The following OTOP3 variants were observed in gnomAD, a reference collection of about 807,000 sequenced individuals.
OTOP3 encodes proton channel OTOP3.
In OTOP3, 41 loss-of-function variants were observed where a neutral mutation model predicts 50.8. The observed-to-expected ratio is 0.81, with a 90% CI of 0.63 to 1.05. The LOEUF (loss-of-function observed/expected upper bound fraction) is 1.05, where lower values mean the gene tolerates loss of function less well. Ranked by LOEUF, OTOP3 falls within the 50% of genes least tolerant of loss-of-function variation. The pLI is 0.00. For missense variants in OTOP3, 788 were observed against 760.8 expected (o/e 1.04, Z -0.42); for synonymous variants, 320 against 324.4 (o/e 0.99, Z 0.14).
chr17:74,938,548 C>T (rs543787550), intron 1 of OTOP3, among the ~76,000 whole-genome samples: 28 of 152,078 alleles, frequency 1.8e-4, no homozygotes, highest in African/African-American at 6.5e-4. Context: ...AGACTGGGGG[C>T]GTTCCAGGAA....
intron 5 of OTOP3, among the ~76,000 whole-genome samples, chr17:74,943,962 C>T (rs2039202588): frequency 6.6e-6 from 1 of 152,136 alleles, no homozygotes. Flanking sequence ...GTCCAGCTAG[C>T]CATCAGCAAG....
chr17:74,943,739 C>T lies in OTOP3; in HGVS notation c.751+15C>T. On this transcript the variant is annotated intron_variant, in intron 5 of 6. Coordinates refer to ENST00000328801, the MANE Select transcript of OTOP3 (RefSeq NM_001272005.2). ...AAAATCCACAGGTATGGAAAGGAGA[C>T]CAGGTCTTCCTTGCCCTGAAACACA... 1 of 1,528,120 alleles carries T rather than the reference C, an allele frequency of 6.5e-7. No homozygotes were observed. The highest frequency in any genetic ancestry group is 9.0e-7 in the Non-Finnish European group (1 of 1,112,422). 94.7% of individuals were successfully genotyped at this position (1,528,120 alleles called of 1,614,324 possible).
At chr17:74,936,403 G>A (rs1362670491) in intron 1 of OTOP3, among the ~76,000 whole-genome samples, 3 of 152,182 alleles carry the variant, frequency 2.0e-5, no homozygotes, top group East Asian at 3.9e-4. Context: ...CGGGCCCGAC[G>A]GCTCCGCGGC....
At chr17:74,943,415 C>T (rs184154451) in intron 4 of OTOP3, 71 bp downstream of exon 4, 4 of 1,541,114 alleles carry the variant, frequency 2.6e-6, no homozygotes, top group Admixed American at 3.3e-5. Flanking sequence ...TCAGGGTGGC[C>T]GCGGGGCTAT....
chr17:74,944,143 C>T (rs2039204061), intron 5 of OTOP3, among the ~76,000 whole-genome samples: 1 of 152,204 alleles, frequency 6.6e-6, no homozygotes, highest in African/African-American at 2.4e-5. Context: ...CGGAAGATAT[C>T]TGGACAGAAA....
intron 6 of OTOP3, among the ~76,000 whole-genome samples, chr17:74,948,289 C>T (rs571770639): frequency 2.4e-4 from 37 of 151,988 alleles, no homozygotes; most frequent in African/African-American, 8.2e-4. Context: ...TTTGGGAGGC[C>T]GAGGGAGGAG....
At chr17:74,935,863 C>CG (rs1384761378), upstream of OTOP3, 40 of 1,534,558 alleles carry the variant, frequency 2.6e-5, no homozygotes, top group East Asian at 1.2e-4. Flanking sequence ...TCGCGGGCAT[C>CG]GGTCTCACCT....
At chr17:74,949,038 C>CT (rs1216218987) in intron 6 of OTOP3, among the ~76,000 whole-genome samples, 1 of 152,126 alleles carries the variant, frequency 6.6e-6, no homozygotes, top group Non-Finnish European at 1.5e-5. Flanking sequence ...ACAGAGATGG[C>CT]TGGGGATAGC....
rs1243984434 is a variant in OTOP3 at position 74,941,772 on chromosome 17, C to T, written c.399C>T (p.Leu133=). 6.2e-7 allele frequency: 1 copy of T among 1,613,278 alleles called. No individual in the cohort carries two copies. Among genetic ancestry groups the T allele is most frequent in the South Asian group, 1.1e-5 (1 of 91,050 alleles). ...CCACCCGCCGACCACACGCCGTGCT[C>T]TACCAAGATCCCCACGCGGGGCCCC... is the stretch of plus-strand genomic sequence containing the variant. ...ASTTRRPHAV[L]YQDPHAGPLW... The change falls in exon 2 of 7, where the codon CTC becomes CTT. Residue 133 remains leucine (L), a synonymous_variant. Coordinates refer to ENST00000328801, the MANE Select transcript of OTOP3 (RefSeq NM_001272005.2).
At chr17:74,946,395 G>A (rs2039224291) in intron 5 of OTOP3, among the ~76,000 whole-genome samples, 1 of 152,242 alleles carries the variant, frequency 6.6e-6, no homozygotes, top group South Asian at 2.1e-4. Context: ...TTACAGGCAT[G>A]AGCCACTGCG....
intron 6 of OTOP3, 28 bp downstream of exon 6, chr17:74,947,503 G>A (rs765673993): frequency 3.2e-6 from 5 of 1,542,734 alleles, no homozygotes; most frequent in Non-Finnish European, 4.4e-6. Context: ...GGGGCCTGGA[G>A]GGTAGAGGTG....
At chr17:74,939,013 A>T (rs1211366710) in intron 1 of OTOP3, among the ~76,000 whole-genome samples, 1 of 152,082 alleles carries the variant, frequency 6.6e-6, no homozygotes, top group African/African-American at 2.4e-5. Flanking sequence ...GCAAAAAAAA[A>T]AAAAATTAAA....
At position 74,943,708 on chromosome 17, in the gene OTOP3, C is replaced by CATGGAAAAATCCACAGGT; in HGVS notation, c.743_751+9dup. On this transcript the variant is annotated inframe_insertion, in exon 5 of 7. Coordinates refer to ENST00000328801, the MANE Select transcript of OTOP3 (RefSeq NM_001272005.2). The stretch of plus-strand genomic sequence containing the variant: ...AGATCGAAGCTGAGCTTGGCATCCT[C>CATGGAAAAATCCACAGGT]ATGGAAAAATCCACAGGTATGGAAA... 6 of 1,608,888 alleles carry CATGGAAAAATCCACAGGT rather than the reference C, an allele frequency of 3.7e-6. No individual in the cohort carries two copies. In the South Asian group the frequency reaches 6.6e-5, roughly 18 times the overall value.
rs539744870 is a variant in OTOP3, at chr17:74,948,111, G to T, written c.1566+636G>T. Among the ~76,000 whole-genome samples, 85 of 152,296 alleles carry T rather than the reference G, an allele frequency of 5.6e-4. 1 individual carries two copies. The South Asian group carries it at 0.017, about 30-fold the overall frequency. On this transcript the variant is annotated intron_variant, in intron 6 of 6. Transcript: ENST00000328801. ...ATAAATTGGCTCTAAAGTGCATTAG[G>T]AGCTCAGCAAAGGAACTGTGGGCCT...
At chr17:74,945,385 C>A (rs963041633) in intron 5 of OTOP3, among the ~76,000 whole-genome samples, 3 of 152,142 alleles carry the variant, frequency 2.0e-5, no homozygotes, top group Admixed American at 6.6e-5. Flanking sequence ...CCAGTTAGCC[C>A]CAGAAATGTC....
rs754849486 is a variant in OTOP3 at position 74,942,054 on chromosome 17, G to A, written c.573+17G>A. ...GGCGTCCAGGTGACAGGCTTCTCACGTCCCCACATCACCGAGGACATACCC... is the reference window on the plus strand; with the variant it reads ...GGCGTCCAGGTGACAGGCTTCTCACATCCCCACATCACCGAGGACATACCC... On this transcript the variant is annotated intron_variant, in intron 3 of 6. Transcript: ENST00000328801. 12 of 1,597,158 alleles carry A rather than the reference G, an allele frequency of 7.5e-6. No homozygotes were observed. Among genetic ancestry groups the A allele is most frequent in the East Asian group, 6.7e-5 (3 of 44,720 alleles).
intron 6 of OTOP3, among the ~76,000 whole-genome samples, chr17:74,948,300 G>T (rs1292365727): frequency 6.6e-6 from 1 of 152,150 alleles, no homozygotes; most frequent in Non-Finnish European, 1.5e-5. Flanking sequence ...GAGGGAGGAG[G>T]ATCCCTTGAG....
chr17:74,940,427 G>A (rs937928356), intron 1 of OTOP3, among the ~76,000 whole-genome samples: 42 of 152,090 alleles, frequency 2.8e-4, no homozygotes, highest in African/African-American at 9.2e-4. Flanking sequence ...AACTCCTATT[G>A]TGAAACTGAT....
At chr17:74,945,178 AC>A (rs1304383612) in intron 5 of OTOP3, among the ~76,000 whole-genome samples, 1 of 152,108 alleles carries the variant, frequency 6.6e-6, no homozygotes, top group African/African-American at 2.4e-5. Context: ...CTCATCTCAA[AC>A]TACTGGGTTC....
Sources: allele counts gnomAD v4.1 joint callset (sites outside exome capture counted in the v4.1 genomes callset), GRCh38; gene constraint gnomAD v4.1.1; transcripts MANE v1.5; gene names NCBI Gene and HGNC (gene_info 2026-07-23, HGNC 2026-07-21).